The following NAALADL2 variants were observed in gnomAD, a reference collection of about 807,000 sequenced individuals.
NAALADL2 encodes inactive N-acetylated-alpha-linked acidic dipeptidase-like protein 2.
A neutral mutation model predicts 87.2 loss-of-function variants in NAALADL2; 76 were observed. The ratio of observed to expected loss-of-function variants is 0.87; its 90% CI spans 0.72 to 1.05. The LOEUF (loss-of-function observed/expected upper bound fraction) is 1.05, where lower values mean the gene tolerates loss of function less well. NAALADL2 is among the 50% of genes least tolerant of loss of function. NAALADL2 has a pLI of 0.00. For missense variants in NAALADL2, 1,089 were observed against 945.8 expected (o/e 1.15, Z -1.99); for synonymous variants, 354 against 331.0 (o/e 1.07, Z -0.75).
chr3:175,783,543 C>T (rs1204794819), intron 13 of NAALADL2, among the ~76,000 whole-genome samples: 3 of 150,960 alleles, frequency 2.0e-5, no homozygotes, highest in African/African-American at 7.4e-5. Context: ...GATTTTTGTA[C>T]ATTGATTTTT....
At chr3:175,076,743 T>C (rs1716671395) in intron 1 of NAALADL2, among the ~76,000 whole-genome samples, 1 of 152,208 alleles carries the variant, frequency 6.6e-6, no homozygotes, top group South Asian at 2.1e-4. Context: ...TATCTAGATA[T>C]AATTAGGGAA....
chr3:174,682,682 C>T (rs1727661318), intron 2 of NAALADL2, among the ~76,000 whole-genome samples: 1 of 152,190 alleles, frequency 6.6e-6, no homozygotes, highest in Admixed American at 6.5e-5. Context: ...TACAGCATTA[C>T]TAGGCTTGTG....
intron 1 of NAALADL2, among the ~76,000 whole-genome samples, chr3:175,040,196 G>A (rs946564483): frequency 4.6e-5 from 7 of 152,104 alleles, no homozygotes. Context: ...TTTTCTTCCA[G>A]TGTACAACTT....
rs75258751 is a variant in NAALADL2 at position 175,635,378 on chromosome 3, A to G, written c.1896+7992A>G. Among the ~76,000 whole-genome samples, 66 of 152,220 alleles carry G rather than the reference A, an allele frequency of 4.3e-4. No individual in the cohort carries two copies. The East Asian group carries it at 0.012, about 27-fold the overall frequency. ...ATATTAAGTGTTATTAACACTTATT[A>G]AGATAGGAAAAGAAGGCTGCTATTC... On this transcript the variant is annotated intron_variant, in intron 11 of 13. Coordinates refer to ENST00000454872, the MANE Select transcript of NAALADL2 (RefSeq NM_207015.3).
chr3:174,780,583 G>T (rs1030948369), intron 3 of NAALADL2, among the ~76,000 whole-genome samples: 1 of 152,086 alleles, frequency 6.6e-6, no homozygotes, highest in Admixed American at 6.6e-5. Flanking sequence ...AATGCTTCCA[G>T]CTTTTGCCCA....
chr3:175,314,666 CTATATATATATATATATA>C (rs60572633), intron 4 of NAALADL2, among the ~76,000 whole-genome samples: 1,043 of 30,684 alleles, frequency 0.034, 20 homozygotes, highest in Admixed American at 0.058. Flanking sequence ...ATAGTTCTAA[CTATATATATATATATATA>C]TATATATATA....
intron 1 of NAALADL2, among the ~76,000 whole-genome samples, chr3:174,542,906 C>T (rs1004045111): frequency 3.3e-5 from 5 of 152,120 alleles, no homozygotes; most frequent in East Asian, 1.9e-4. Context: ...GCTAAATATG[C>T]GTGCTGTGGA....
At chr3:174,451,479 T>C (rs1007962120) in intron 1 of NAALADL2, among the ~76,000 whole-genome samples, 2 of 152,208 alleles carry the variant, frequency 1.3e-5, no homozygotes, top group Admixed American at 6.5e-5. Context: ...TATGTTTGTA[T>C]TATAATCTAG....
chr3:175,479,953 T>A (rs780853711), intron 9 of NAALADL2, among the ~76,000 whole-genome samples: 2 of 151,760 alleles, frequency 1.3e-5, no homozygotes, highest in Non-Finnish European at 3.0e-5. Context: ...AAGGAAGAAT[T>A]CTCAGATAGG....
intron 2 of NAALADL2, among the ~76,000 whole-genome samples, chr3:174,674,291 C>A (rs370834889): frequency 1.3e-5 from 2 of 152,114 alleles, no homozygotes; most frequent in South Asian, 4.1e-4. Flanking sequence ...CCAAACACCT[C>A]CCTCCAGACC....
chr3:174,852,398 T>G (rs558913779), intron 3 of NAALADL2, among the ~76,000 whole-genome samples: 1 of 152,188 alleles, frequency 6.6e-6, no homozygotes, highest in East Asian at 1.9e-4. Context: ...AACATACAAA[T>G]TCAGTGGCAT....
intron 5 of NAALADL2, among the ~76,000 whole-genome samples, chr3:175,387,025 A>G (rs899094153): frequency 3.2e-4 from 48 of 152,294 alleles, no homozygotes; most frequent in African/African-American, 1.1e-3. Context: ...GTTAAGATCT[A>G]TGGAAGCAAT....
intron 3 of NAALADL2, among the ~76,000 whole-genome samples, chr3:174,823,303 T>C (rs1031040526): frequency 3.3e-5 from 5 of 152,200 alleles, no homozygotes; most frequent in Non-Finnish European, 7.3e-5. Flanking sequence ...AAAAGCTTTG[T>C]TGTTTTCTCA....
At chr3:174,502,910 T>A (rs1191364174) in intron 1 of NAALADL2, among the ~76,000 whole-genome samples, 1 of 151,852 alleles carries the variant, frequency 6.6e-6, no homozygotes. Flanking sequence ...GCGCCTGTAG[T>A]CTCAGCTACT....
chr3:175,548,328 C>G (rs1324326316), intron 9 of NAALADL2, among the ~76,000 whole-genome samples: 1 of 152,094 alleles, frequency 6.6e-6, no homozygotes, highest in Non-Finnish European at 1.5e-5. Flanking sequence ...CATGTTCTCA[C>G]TTATAACTAG....
At chr3:175,584,581 G>C (rs1381839578) in intron 10 of NAALADL2, among the ~76,000 whole-genome samples, 2 of 152,160 alleles carry the variant, frequency 1.3e-5, no homozygotes, top group African/African-American at 4.8e-5. Context: ...TGATTTTGTT[G>C]TGTAAACATC....
At chr3:174,834,924 A>C (rs1033026262) in intron 3 of NAALADL2, among the ~76,000 whole-genome samples, 1 of 151,890 alleles carries the variant, frequency 6.6e-6, no homozygotes, top group African/African-American at 2.4e-5. Context: ...TTAATAAAAA[A>C]TGACAAGTTG....
intron 2 of NAALADL2, among the ~76,000 whole-genome samples, chr3:174,729,788 A>T (rs1261655823): frequency 6.6e-6 from 1 of 152,090 alleles, no homozygotes; most frequent in Non-Finnish European, 1.5e-5. Flanking sequence ...ATATGATAAT[A>T]ATAGTAACAT....
chr3:175,586,331 A>G (rs1720538002), intron 10 of NAALADL2, among the ~76,000 whole-genome samples: 2 of 152,204 alleles, frequency 1.3e-5, no homozygotes, highest in Admixed American at 1.3e-4. Flanking sequence ...ATTGAGGTCA[A>G]CGCTACTTGG....
Sources: gnomAD v4.1 joint callset for allele counts (sites outside exome capture counted in the v4.1 genomes callset) on GRCh38, gnomAD v4.1.1 for gene constraint, MANE v1.5 for transcripts, NCBI Gene and HGNC (gene_info 2026-07-23, HGNC 2026-07-21) for gene names.